SHLD1: variants seen among roughly 807,000 people sequenced by gnomAD.
The protein encoded by SHLD1 is RINN1-REV7-interacting novel NHEJ regulator 3.
Under a neutral mutation model 5.5 loss-of-function variants are expected in SHLD1, and 3 were observed. That is an observed-to-expected ratio of 0.54 (90% CI 0.25 to 1.40). The LOEUF is 1.40. Among genes scored for constraint, SHLD1 ranks in the 40% most tolerant of loss-of-function variants. The pLI is 0.15. For missense variants in SHLD1, 210 were observed against 244.4 expected, an observed-to-expected ratio of 0.86 and a Z score of 0.94; for synonymous variants, 92 against 94.3, an observed-to-expected ratio of 0.98 and a Z score of 0.14.
In SHLD1 at chr20:5,806,313, A is replaced by G. The variant is rs562234514; in HGVS notation, c.178+33270A>G. 2.0e-5 allele frequency among the ~76,000 whole-genome samples: 3 copies of G among 152,372 alleles called. No individual in the cohort carries two copies. Among genetic ancestry groups the G allele is most frequent in the South Asian group, 4.1e-4 (2 of 4,832 alleles). ...TGCTTACGCATCATGCTATTGGTCC[A>G]CAGTATATGGATTTGTGGATCGTGT... On this transcript the variant is annotated intron_variant, in intron 2 of 2. Coordinates refer to ENST00000303142, the MANE Select transcript of SHLD1 (RefSeq NM_152504.4). The surrounding 1 kb of genome is among the most constrained non-coding windows in gnomAD (Gnocchi z 7.6).
intron 2 of SHLD1, among the ~76,000 whole-genome samples, chr20:5,784,362 T>C (rs766346809): frequency 3.9e-5 from 6 of 152,026 alleles, no homozygotes; most frequent in Non-Finnish European, 7.4e-5. Flanking sequence ...TCTATAACTT[T>C]CGATATGTAC....
At position 5,863,348 on chromosome 20, in the gene SHLD1, A is replaced by G; in HGVS notation, c.503A>G (p.His168Arg). ...SVLQRHSRDT[H>R]FYPLEEGSTS... ...TTACAGAGGCATTCCAGGGACACCCACTTCTACCCACTGGAGGAAGGAAGT... is the reference window on the plus strand; with the variant it reads ...TTACAGAGGCATTCCAGGGACACCCGCTTCTACCCACTGGAGGAAGGAAGT... Residue 168 changes from histidine to arginine, a missense_variant, in exon 3 of 3, where the codon CAC (histidine) becomes CGC (arginine). Coordinates refer to ENST00000303142, the MANE Select transcript of SHLD1 (RefSeq NM_152504.4). 1.2e-6 allele frequency: 2 copies of G among 1,614,220 alleles called. No individual in the cohort carries two copies. Among genetic ancestry groups the G allele is most frequent in the Non-Finnish European group, 1.7e-6 (2 of 1,180,042 alleles).
intron 2 of SHLD1, among the ~76,000 whole-genome samples, chr20:5,840,384 G>A (rs1319968071): frequency 6.6e-6 from 1 of 151,970 alleles, no homozygotes; most frequent in East Asian, 1.9e-4. Context: ...CAAAGCTACT[G>A]TTCAGGGTTT....
chr20:5,823,258 C>T (rs1469905514), intron 2 of SHLD1, among the ~76,000 whole-genome samples: 1 of 151,962 alleles, frequency 6.6e-6, no homozygotes, highest in Admixed American at 6.6e-5. Flanking sequence ...TTCTTACTGA[C>T]CTCAGGCCTC....
intron 1 of SHLD1, among the ~76,000 whole-genome samples, chr20:5,762,724 C>T (rs948657256): frequency 2.0e-5 from 3 of 151,964 alleles, no homozygotes; most frequent in Admixed American, 1.3e-4. Flanking sequence ...TCTGTAATCC[C>T]AGCACTTTGG....
intron 2 of SHLD1, 24 bp from the exon 3 acceptor site, chr20:5,863,000 A>G (rs2122518791): frequency 1.9e-6 from 3 of 1,541,668 alleles, no homozygotes; most frequent in Non-Finnish European, 2.6e-6. Context: ...GTGTTTGAGT[A>G]TTGGAATACG....
chr20:5,837,561 C>A (rs189366560), intron 2 of SHLD1, among the ~76,000 whole-genome samples: 1 of 151,756 alleles, frequency 6.6e-6, no homozygotes, highest in African/African-American at 2.4e-5. Context: ...TGAGAACATG[C>A]GGTGTTTGGT....
intron 2 of SHLD1, 91 bp downstream of exon 2, chr20:5,773,134 G>C (rs1420224516): frequency 2.2e-6 from 3 of 1,380,482 alleles, no homozygotes; most frequent in Admixed American, 1.7e-5. Context: ...TCCAATAGCA[G>C]ATCTCTGAGA....
At chr20:5,798,579 G>T (rs1468017154) in intron 2 of SHLD1, among the ~76,000 whole-genome samples, 1 of 141,732 alleles carries the variant, frequency 7.1e-6, no homozygotes, top group South Asian at 2.3e-4. Context: ...TGGGATTACA[G>T]GCGTAAGCCA....
chr20:5,863,063 C>T lies in SHLD1; in HGVS notation c.218C>T (p.Thr73Ile). Residue 73 changes from threonine to isoleucine, a missense_variant, in exon 3 of 3, where the codon ACC becomes ATC. Transcript: ENST00000303142. ...NLNIEQNNSW[T>I]AENFWLDPAV... ...AATATAGAACAAAATAACTCCTGGA[C>T]CGCTGAGAACTTCTGGCTTGACCCT... 1 of 1,613,160 alleles carries T rather than the reference C, an allele frequency of 6.2e-7. No individual in the cohort carries two copies. Among genetic ancestry groups the T allele is most frequent in the Non-Finnish European group, 8.5e-7 (1 of 1,179,582 alleles).
chr20:5,755,541 G>A (rs1317133660), intron 1 of SHLD1, among the ~76,000 whole-genome samples: 1 of 151,906 alleles, frequency 6.6e-6, no homozygotes. Context: ...TGTAGTAAGG[G>A]AAGAACATTT....
chr20:5,833,006 G>A (rs539141075), intron 2 of SHLD1, among the ~76,000 whole-genome samples: 11 of 152,124 alleles, frequency 7.2e-5, no homozygotes, highest in African/African-American at 1.9e-4. Context: ...GGAACCATGC[G>A]GTGACTGGCC....
intron 2 of SHLD1, among the ~76,000 whole-genome samples, chr20:5,848,089 ACAT>A (rs1162792950): frequency 6.6e-6 from 1 of 152,282 alleles, no homozygotes; most frequent in East Asian, 1.9e-4. Flanking sequence ...TAAAAGTAAA[ACAT>A]CATAAAGTAG....
In SHLD1 at chr20:5,855,665, C is replaced by T. The variant is rs966521907; in HGVS notation, c.179-7359C>T. On this transcript the variant is annotated intron_variant, in intron 2 of 2. Coordinates refer to ENST00000303142, the MANE Select transcript of SHLD1 (RefSeq NM_152504.4). This position sits in a 1 kb window ranked among gnomAD's most constrained non-coding sequence, Gnocchi z 4.4. The stretch of plus-strand genomic sequence containing the variant: ...GGGATTATAGACATGAGCCGCCGCA[C>T]CTGGCCTGCCAACCACATTTTATTT... 6.6e-6 allele frequency among the ~76,000 whole-genome samples: 1 copy of T among 152,218 alleles called. No homozygotes were observed. The highest frequency in any genetic ancestry group is 2.4e-5 in the African/African-American group (1 of 41,448).
rs59026745 is a variant in SHLD1 at position 5,778,604 on chromosome 20, C to CAAA, written c.178+5576_178+5578dup. The stretch of plus-strand genomic sequence containing the variant: ...CCTGGGCGACAGAGCAAGACCTTGT[C>CAAA]AAAAAAAAAAAAAAAAATAAGGACC... On this transcript the variant is annotated intron_variant, in intron 2 of 2. Transcript: ENST00000303142. 8.6e-3 allele frequency among the ~76,000 whole-genome samples: 828 copies of CAAA among 96,594 alleles called. 12 individuals are homozygous for CAAA. Among genetic ancestry groups the CAAA allele is most frequent in the African/African-American group, 0.027 (790 of 29,616 alleles). 63.4% of individuals were successfully genotyped at this position (96,594 alleles called of 152,430 possible).
intron 2 of SHLD1, among the ~76,000 whole-genome samples, chr20:5,786,530 G>A (rs995047600): frequency 1.3e-5 from 2 of 152,078 alleles, no homozygotes; most frequent in African/African-American, 4.8e-5. Flanking sequence ...AGCTACAGTC[G>A]TGCCACTGCA....
At chr20:5,830,546 G>A (rs1398295117) in intron 2 of SHLD1, among the ~76,000 whole-genome samples, 3 of 152,094 alleles carry the variant, frequency 2.0e-5, no homozygotes, top group Non-Finnish European at 4.4e-5. Flanking sequence ...AAATTAGCCA[G>A]GCGTAGTGGC....
At chr20:5,817,911 C>T (rs549281246) in intron 2 of SHLD1, among the ~76,000 whole-genome samples, 35 of 152,226 alleles carry the variant, frequency 2.3e-4, no homozygotes, top group African/African-American at 7.0e-4. Flanking sequence ...CCCTTCCCTG[C>T]GCTGTGGTCT....
At chr20:5,828,734 T>C (rs981671966) in intron 2 of SHLD1, among the ~76,000 whole-genome samples, 10 of 152,262 alleles carry the variant, frequency 6.6e-5, no homozygotes, top group Non-Finnish European at 1.3e-4. Flanking sequence ...GATTGTAGTT[T>C]GTACCATTTC....
Sources: allele counts gnomAD v4.1 joint callset (sites outside exome capture counted in the v4.1 genomes callset), GRCh38; gene constraint gnomAD v4.1.1; non-coding constraint Gnocchi (gnomAD v3.1); transcripts MANE v1.5; gene names NCBI Gene and HGNC (gene_info 2026-07-23, HGNC 2026-07-21).